The following ITGA8 variants were observed in gnomAD, a reference collection of about 807,000 sequenced individuals.
ITGA8 encodes the protein integrin subunit alpha 8, also known as integrin alpha-8.
A neutral mutation model predicts 142.3 loss-of-function variants in ITGA8; 91 were observed. The observed-to-expected ratio is 0.64, with a 90% CI of 0.54 to 0.76. The LOEUF (loss-of-function observed/expected upper bound fraction) is 0.76, where lower values mean the gene tolerates loss of function less well. ITGA8 is among the 30% of genes least tolerant of loss of function. ITGA8 has a pLI of 0.00. For missense variants in ITGA8, 1,406 were observed against 1,327.7 expected (o/e 1.06, Z -0.92); for synonymous variants, 505 against 485.2 (o/e 1.04, Z -0.54).
chr10:15,712,003 T>C (rs570217988), intron 2 of ITGA8, among the ~76,000 whole-genome samples: 4 of 152,310 alleles, frequency 2.6e-5, no homozygotes, highest in Admixed American at 6.5e-5. Flanking sequence ...ATCAGATGTA[T>C]TTGGTTTTAA....
At chr10:15,614,301 G>T (rs560405296) in intron 14 of ITGA8, among the ~76,000 whole-genome samples, 2 of 152,264 alleles carry the variant, frequency 1.3e-5, no homozygotes, top group South Asian at 4.1e-4. Flanking sequence ...AATACACGAA[G>T]CAGGGTTTGC....
intron 12 of ITGA8, 64 bp downstream of exon 12, chr10:15,646,782 G>A: frequency 1.6e-6 from 2 of 1,219,838 alleles, no homozygotes; most frequent in Non-Finnish European, 2.4e-6. Context: ...TTTAAAACAG[G>A]CATGGTCTCC....
At chr10:15,684,305 T>A (rs184520038) in intron 3 of ITGA8, among the ~76,000 whole-genome samples, 178 bp from the exon 4 acceptor site, 1 of 152,196 alleles carries the variant, frequency 6.6e-6, no homozygotes, top group East Asian at 1.9e-4. Context: ...TAATTTTTAA[T>A]GTTAACACAC....
intron 25 of ITGA8, among the ~76,000 whole-genome samples, chr10:15,564,620 C>T (rs1834045790): frequency 6.6e-6 from 1 of 152,208 alleles, no homozygotes; most frequent in Admixed American, 6.5e-5. Flanking sequence ...CCAAACTCTT[C>T]ACTGTGTCAT....
chr10:15,709,242 C>T (rs563148914), intron 2 of ITGA8, among the ~76,000 whole-genome samples: 6 of 152,302 alleles, frequency 3.9e-5, no homozygotes, highest in East Asian at 3.9e-4. Flanking sequence ...TTTTCAGAAA[C>T]GCTGCTCCAG....
At chr10:15,631,321 G>C (rs536620532) in intron 13 of ITGA8, among the ~76,000 whole-genome samples, 1 of 152,078 alleles carries the variant, frequency 6.6e-6, no homozygotes, top group South Asian at 2.1e-4. Context: ...CAACCCAAAA[G>C]CCTATCAATG....
At chr10:15,681,471 G>A (rs1834735996) in intron 4 of ITGA8, among the ~76,000 whole-genome samples, 2 of 152,180 alleles carry the variant, frequency 1.3e-5, no homozygotes, top group South Asian at 2.1e-4. Context: ...TTGTTGAGCT[G>A]TTAGGCTACT....
intron 2 of ITGA8, among the ~76,000 whole-genome samples, chr10:15,689,575 A>C (rs1318217676): frequency 6.6e-6 from 1 of 152,168 alleles, no homozygotes; most frequent in South Asian, 2.1e-4. Context: ...CCTGCATTTC[A>C]CACAGCAGCA....
At chr10:15,606,186 G>T in intron 18 of ITGA8, 99 bp downstream of exon 18, 1 of 1,024,924 alleles carries the variant, frequency 9.8e-7, no homozygotes, top group South Asian at 2.0e-5. Flanking sequence ...GCATGCAGAA[G>T]TAAAAATGAA....
chr10:15,646,103 C>A (rs1033132968), intron 12 of ITGA8, among the ~76,000 whole-genome samples: 1 of 152,120 alleles, frequency 6.6e-6, no homozygotes, highest in African/African-American at 2.4e-5. Context: ...ATCCAAACAT[C>A]AATTTTAAAA....
At chr10:15,619,910 G>T (rs1833458063) in intron 13 of ITGA8, among the ~76,000 whole-genome samples, 1 of 152,136 alleles carries the variant, frequency 6.6e-6, no homozygotes, top group Non-Finnish European at 1.5e-5. Context: ...TTTGTTCTTG[G>T]CCCCAAATAA....
chr10:15,562,433 A>G (rs982148864), intron 25 of ITGA8, among the ~76,000 whole-genome samples: 2 of 152,128 alleles, frequency 1.3e-5, no homozygotes, highest in African/African-American at 4.8e-5. Flanking sequence ...GCTTGGAAGG[A>G]TATTAGAAAC....
intron 12 of ITGA8, among the ~76,000 whole-genome samples, chr10:15,644,860 G>A (rs959107619): frequency 6.6e-6 from 1 of 151,616 alleles, no homozygotes; most frequent in African/African-American, 2.4e-5. Context: ...TTGGGAGGCC[G>A]AGGCGGGCGG....
At chr10:15,654,506 T>A (rs965296577) in intron 11 of ITGA8, among the ~76,000 whole-genome samples, 1 of 152,256 alleles carries the variant, frequency 6.6e-6, no homozygotes, top group African/African-American at 2.4e-5. Context: ...AATGCCATGA[T>A]ACAATTAACA....
chr10:15,527,901 C>T, intron 28 of ITGA8, among the ~76,000 whole-genome samples: 1 of 123,204 alleles, frequency 8.1e-6, no homozygotes. Flanking sequence ...TCCCTTTCGG[C>T]TGGGCTTTTT....
chr10:15,579,910 A>G (rs1228753381), intron 23 of ITGA8, among the ~76,000 whole-genome samples: 1 of 151,858 alleles, frequency 6.6e-6, no homozygotes, highest in Non-Finnish European at 1.5e-5. Context: ...TATACAAAAA[A>G]AGATCTCCAG....
At chr10:15,693,870 GT>G (rs542906903) in intron 2 of ITGA8, among the ~76,000 whole-genome samples, 4 of 151,378 alleles carry the variant, frequency 2.6e-5, no homozygotes, top group South Asian at 2.1e-4. Flanking sequence ...AGGTCCATAG[GT>G]TTTTTTTCTT....
chr10:15,575,248 G>A (rs1191079151), intron 24 of ITGA8, among the ~76,000 whole-genome samples: 2 of 152,062 alleles, frequency 1.3e-5, no homozygotes, highest in Non-Finnish European at 2.9e-5. Context: ...AAATTAGCCA[G>A]GTGTGGTGGT....
At chr10:15,595,090 A>G (rs1177591416) in intron 21 of ITGA8, among the ~76,000 whole-genome samples, 1 of 152,244 alleles carries the variant, frequency 6.6e-6, no homozygotes, top group Non-Finnish European at 1.5e-5. Context: ...TCTTATTGGC[A>G]TGTAAACATC....
Sources: gnomAD v4.1 joint callset for allele counts (sites outside exome capture counted in the v4.1 genomes callset) on GRCh38, gnomAD v4.1.1 for gene constraint, MANE v1.5 for transcripts, NCBI Gene and HGNC (gene_info 2026-07-23, HGNC 2026-07-21) for gene names.